The following SMYD3 variants were observed in gnomAD, a reference collection of about 807,000 sequenced individuals.
The protein encoded by SMYD3 is histone-lysine N-methyltransferase SMYD3.
SMYD3 carries 36 observed loss-of-function variants against 57.7 expected under a neutral mutation model. The ratio of observed to expected loss-of-function variants is 0.62; its 90% CI spans 0.48 to 0.82. The LOEUF (loss-of-function observed/expected upper bound fraction) is 0.82, where lower values mean the gene tolerates loss of function less well. Among genes scored for constraint, SMYD3 ranks in the 40% least tolerant of loss-of-function variants. SMYD3 has a pLI of 0.00. For missense variants in SMYD3, 515 were observed against 538.8 expected, an observed-to-expected ratio of 0.96 and a Z score of 0.44; for synonymous variants, 211 against 195.0, an observed-to-expected ratio of 1.08 and a Z score of -0.68.
chr1:245,934,392 A>G (rs903696232), intron 5 of SMYD3, among the ~76,000 whole-genome samples: 1 of 151,408 alleles, frequency 6.6e-6, no homozygotes, highest in Non-Finnish European at 1.5e-5. Context: ...TAATCAGGGT[A>G]TATTTTTCTC....
At chr1:246,224,635 G>A (rs12036932) in intron 5 of SMYD3, among the ~76,000 whole-genome samples, 39,857 of 151,518 alleles carry the variant, frequency 0.26, 5,934 homozygotes, top group East Asian at 0.58. Context: ...GGAAAGGAAG[G>A]AGGAGGAGGA....
At position 246,427,651 on chromosome 1, in the gene SMYD3, C is replaced by T. The variant is rs187037413; in HGVS notation, c.165-72557G>A. 2.9e-3 allele frequency among the ~76,000 whole-genome samples: 439 copies of T among 152,240 alleles called. 1 individual carries two copies. The highest frequency in any genetic ancestry group is 5.1e-3 in the Admixed American group (78 of 15,280). On this transcript the variant is annotated intron_variant, in intron 1 of 11. Coordinates refer to ENST00000490107, the MANE Select transcript of SMYD3 (RefSeq NM_001167740.2). ...GGCCAAGGTGGGAGGATCACTTGAG[C>T]CCAGGAGTTCAAGACTAGCCTGGGC...
rs76660742 is a variant in SMYD3 at position 246,160,554 on chromosome 1, G to A, written c.531+166647C>T. The stretch of plus-strand genomic sequence containing the variant: ...GGGCCCAGAGCCGAAGGATGTTTGA[G>A]AGTTAAATTGCTCTGCATAATCAAG... On this transcript the variant is annotated intron_variant, in intron 5 of 11. Coordinates refer to ENST00000490107, the MANE Select transcript of SMYD3 (RefSeq NM_001167740.2). Among the ~76,000 whole-genome samples, 163 of 152,320 alleles carry A rather than the reference G, an allele frequency of 1.1e-3. 2 individuals carry two copies. The East Asian group carries it at 0.029, about 27-fold the overall frequency.
At chr1:245,774,211 C>A (rs926896430) in intron 10 of SMYD3, among the ~76,000 whole-genome samples, 2 of 152,242 alleles carry the variant, frequency 1.3e-5, no homozygotes, top group African/African-American at 4.8e-5. Flanking sequence ...CTCCTCTGCT[C>A]TGTGGGACTT....
At chr1:246,451,095 G>C in intron 1 of SMYD3, among the ~76,000 whole-genome samples, 1 of 152,310 alleles carries the variant, frequency 6.6e-6, no homozygotes, top group East Asian at 1.9e-4. Flanking sequence ...CCAGGCTCCA[G>C]AAGGACAGAC....
At chr1:246,238,944 CT>C (rs2063556832) in intron 5 of SMYD3, among the ~76,000 whole-genome samples, 1 of 134,784 alleles carries the variant, frequency 7.4e-6, no homozygotes, top group Non-Finnish European at 1.5e-5. Context: ...GTGCAATTTA[CT>C]GGAGAGACGA....
At chr1:246,198,100 ATGT>A (rs1172477963) in intron 5 of SMYD3, among the ~76,000 whole-genome samples, 1 of 152,188 alleles carries the variant, frequency 6.6e-6, no homozygotes, top group East Asian at 1.9e-4. Flanking sequence ...GACATCAGTT[ATGT>A]TCAGCAGTCT....
At chr1:246,426,342 A>G (rs1254385593) in intron 1 of SMYD3, among the ~76,000 whole-genome samples, 1 of 152,128 alleles carries the variant, frequency 6.6e-6, no homozygotes, top group East Asian at 1.9e-4. Context: ...CATCACCACA[A>G]TGTAATTTTA....
chr1:246,491,276 G>A (rs1027376008), intron 1 of SMYD3, among the ~76,000 whole-genome samples: 4 of 152,112 alleles, frequency 2.6e-5, no homozygotes, highest in Non-Finnish European at 4.4e-5. Context: ...GGTGGATCAC[G>A]CCTGTAATCC....
At chr1:245,956,052 T>C (rs985541569) in intron 5 of SMYD3, 57 of 984,490 alleles carry the variant, frequency 5.8e-5, no homozygotes, top group Non-Finnish European at 6.5e-5. Flanking sequence ...CTATGTTCAT[T>C]ACTAGGTTAT....
intron 1 of SMYD3, among the ~76,000 whole-genome samples, chr1:246,371,486 T>TA (rs1301169404): frequency 6.6e-6 from 1 of 152,108 alleles, no homozygotes; most frequent in Non-Finnish European, 1.5e-5. Context: ...AAATAATTTT[T>TA]AAAAAATGAG....
intron 1 of SMYD3, among the ~76,000 whole-genome samples, chr1:246,408,198 G>A (rs1352385623): frequency 3.3e-5 from 5 of 152,016 alleles, no homozygotes; most frequent in Non-Finnish European, 4.4e-5. Flanking sequence ...CAAACACTCT[G>A]ACCACAACAG....
chr1:246,273,149 T>TTTTTTC (rs2064256790), intron 5 of SMYD3, among the ~76,000 whole-genome samples: 1 of 133,982 alleles, frequency 7.5e-6, no homozygotes. Context: ...TTTTTTTTTT[T>TTTTTTC]TTTCTTTTTT....
chr1:245,874,354 T>G (rs1420140488), intron 8 of SMYD3, among the ~76,000 whole-genome samples: 2 of 152,224 alleles, frequency 1.3e-5, no homozygotes, highest in African/African-American at 4.8e-5. Context: ...CATCAGATTA[T>G]CTAATCTGTG....
chr1:245,894,200 C>T (rs1029924042), intron 8 of SMYD3, among the ~76,000 whole-genome samples: 2 of 152,134 alleles, frequency 1.3e-5, no homozygotes, highest in Admixed American at 6.5e-5. Flanking sequence ...TCTGTAAAAA[C>T]GCACCAATCA....
At chr1:246,270,927 G>A (rs972942595) in intron 5 of SMYD3, among the ~76,000 whole-genome samples, 10 of 152,034 alleles carry the variant, frequency 6.6e-5, no homozygotes, top group African/African-American at 9.7e-5. Context: ...AGTTTTACAC[G>A]TCCACGCAGT....
At chr1:246,001,912 T>C (rs1244489554) in intron 5 of SMYD3, among the ~76,000 whole-genome samples, 2 of 152,130 alleles carry the variant, frequency 1.3e-5, no homozygotes, top group African/African-American at 4.8e-5. Flanking sequence ...ACAAGAGATT[T>C]TGACAGATTC....
intron 5 of SMYD3, among the ~76,000 whole-genome samples, chr1:246,266,652 C>T (rs2064113865): frequency 6.6e-6 from 1 of 152,028 alleles, no homozygotes; most frequent in Admixed American, 6.5e-5. Context: ...ATCAGCTGGG[C>T]ATGGTGGTGC....
chr1:246,268,726 G>A (rs61841268), intron 5 of SMYD3, among the ~76,000 whole-genome samples: 1 of 151,532 alleles, frequency 6.6e-6, no homozygotes, highest in Non-Finnish European at 1.5e-5. Context: ...AAGAGAAGAG[G>A]AAAGAAAAGA....
Sources: allele counts gnomAD v4.1 joint callset (sites outside exome capture counted in the v4.1 genomes callset), GRCh38; gene constraint gnomAD v4.1.1; transcripts MANE v1.5; gene names NCBI Gene and HGNC (gene_info 2026-07-23, HGNC 2026-07-21).